Variants in MARCHF1 observed in about 807,000 individuals in gnomAD.
MARCHF1 encodes membrane associated ring-CH-type finger 1.
Under a neutral mutation model 54.2 loss-of-function variants are expected in MARCHF1, and 40 were observed. The ratio of observed to expected loss-of-function variants is 0.74; its 90% CI spans 0.57 to 0.96. The LOEUF is 0.96. Ranked by LOEUF, MARCHF1 falls within the 40% of genes least tolerant of loss-of-function variation. MARCHF1 has a pLI of 0.00. For missense variants in MARCHF1, 586 were observed against 656.5 expected (o/e 0.89, Z 1.17); for synonymous variants, 236 against 236.3 (o/e 1.00, Z 0.01).
intron 1 of MARCHF1, among the ~76,000 whole-genome samples, chr4:164,205,782 A>G (rs577710506): frequency 1.3e-5 from 2 of 152,346 alleles, no homozygotes; most frequent in Non-Finnish European, 2.9e-5. Context: ...CTAGAGTACT[A>G]TATCTCTACA....
chr4:164,239,183 G>A (rs1732654733), intron 1 of MARCHF1, among the ~76,000 whole-genome samples: 1 of 151,814 alleles, frequency 6.6e-6, no homozygotes, highest in Non-Finnish European at 1.5e-5. Context: ...TTCATAATTG[G>A]TGGACTTTGG....
In MARCHF1 at chr4:164,171,963, G is replaced by T. The variant is rs113863622; in HGVS notation, c.-322-60301C>A. On this transcript the variant is annotated intron_variant, in intron 1 of 9. Coordinates refer to ENST00000514618, the MANE Select transcript of MARCHF1 (RefSeq NM_001394959.1). ...TGTTGGGTAAAATGTATAGTTGAGCGCTGTCCTTCTGGCTGGCACCCAGGT... is the reference window on the plus strand; with the variant it reads ...TGTTGGGTAAAATGTATAGTTGAGCTCTGTCCTTCTGGCTGGCACCCAGGT... Among the ~76,000 whole-genome samples the T allele has an allele frequency of 2.0e-4, 31 of 152,160 alleles. No homozygotes were observed. In the South Asian group the frequency reaches 6.2e-3, roughly 31 times the overall value.
chr4:163,625,690 T>C (rs1741846740), intron 5 of MARCHF1, among the ~76,000 whole-genome samples: 1 of 152,234 alleles, frequency 6.6e-6, no homozygotes, highest in Non-Finnish European at 1.5e-5. Flanking sequence ...ATGTAAGTCA[T>C]GAGGCTCTTT....
intron 2 of MARCHF1, among the ~76,000 whole-genome samples, chr4:164,036,524 A>C (rs886432919): frequency 6.6e-6 from 1 of 152,232 alleles, no homozygotes; most frequent in African/African-American, 2.4e-5. Context: ...TGTAATAAAA[A>C]TTCAAGGTCT....
chr4:163,533,567 A>G (rs954226107), intron 9 of MARCHF1, among the ~76,000 whole-genome samples: 3 of 151,774 alleles, frequency 2.0e-5, no homozygotes, highest in Non-Finnish European at 4.4e-5. Context: ...CAAGATGTTA[A>G]TAACAGGAGA....
chr4:164,205,404 A>G (rs1560953326), intron 1 of MARCHF1, among the ~76,000 whole-genome samples: 1 of 152,218 alleles, frequency 6.6e-6, no homozygotes, highest in Non-Finnish European at 1.5e-5. Flanking sequence ...CCAGAGTCAT[A>G]TAGTGGAACC....
chr4:163,847,008 G>GA (rs1049374324), intron 4 of MARCHF1, among the ~76,000 whole-genome samples: 4 of 151,858 alleles, frequency 2.6e-5, no homozygotes, highest in South Asian at 4.2e-4. Flanking sequence ...GATTCTAGAA[G>GA]AAAAAAAATC....
intron 1 of MARCHF1, among the ~76,000 whole-genome samples, chr4:164,270,891 C>T (rs1195738959): frequency 1.3e-5 from 2 of 151,916 alleles, no homozygotes; most frequent in Admixed American, 1.3e-4. Flanking sequence ...TATAGAAGAC[C>T]AAAGGGCCAA....
At chr4:164,063,235 T>C (rs1315799031) in intron 2 of MARCHF1, among the ~76,000 whole-genome samples, 3 of 152,236 alleles carry the variant, frequency 2.0e-5, no homozygotes, top group Non-Finnish European at 4.4e-5. Flanking sequence ...AGAGTCAGAC[T>C]GTCCTTTGAA....
chr4:164,004,602 A>G (rs376111712), intron 2 of MARCHF1, among the ~76,000 whole-genome samples: 18 of 152,272 alleles, frequency 1.2e-4, no homozygotes, highest in East Asian at 7.7e-4. Flanking sequence ...GGCAATTAAA[A>G]AAACTCAATA....
At chr4:163,873,249 C>A (rs2111223316) in intron 3 of MARCHF1, among the ~76,000 whole-genome samples, 1 of 152,258 alleles carries the variant, frequency 6.6e-6, no homozygotes, top group South Asian at 2.1e-4. Context: ...TAGTTTACAC[C>A]TCAGTGTACT....
At chr4:164,144,826 C>A (rs1729623288) in intron 1 of MARCHF1, among the ~76,000 whole-genome samples, 2 of 104,262 alleles carry the variant, frequency 1.9e-5, no homozygotes, top group Admixed American at 1.1e-4. Context: ...AAAATCAGAG[C>A]AGAACTGAAG....
At chr4:163,737,168 T>C (rs781654103) in intron 4 of MARCHF1, among the ~76,000 whole-genome samples, 1,168 of 109,656 alleles carry the variant, frequency 0.011, 128 homozygotes, top group East Asian at 0.02. Flanking sequence ...TTCTTTCTTT[T>C]TTTTTTTTTT....
chr4:163,722,113 T>C (rs902549971), intron 4 of MARCHF1, among the ~76,000 whole-genome samples: 1 of 152,164 alleles, frequency 6.6e-6, no homozygotes, highest in African/African-American at 2.4e-5. Flanking sequence ...TTCTTTTAAT[T>C]GTGATGTTAG....
At chr4:163,908,668 A>C (rs181764688) in intron 3 of MARCHF1, among the ~76,000 whole-genome samples, 25 of 152,224 alleles carry the variant, frequency 1.6e-4, no homozygotes, top group Middle Eastern at 6.8e-3. Context: ...AAGTCCTATA[A>C]AGTCCTACCC....
At chr4:163,704,392 T>C (rs1160112103) in intron 4 of MARCHF1, among the ~76,000 whole-genome samples, 1 of 151,716 alleles carries the variant, frequency 6.6e-6, no homozygotes, top group Non-Finnish European at 1.5e-5. Flanking sequence ...CATAGGGAAA[T>C]TGAATACTGC....
intron 2 of MARCHF1, among the ~76,000 whole-genome samples, chr4:164,011,470 A>G (rs1490033226): frequency 2.0e-5 from 3 of 152,266 alleles, no homozygotes; most frequent in Non-Finnish European, 4.4e-5. Context: ...CTGAACACAC[A>G]TTTCTGCAAA....
chr4:164,105,487 C>A lies in MARCHF1; in HGVS notation c.-248+6101G>T, dbSNP rs988068070. Reference sequence around the variant, plus strand: ...ATATCTACAACTATCTGATCTTTGACAAACCTGAGAAAAACAAGCAATGGG... The same window carrying A: ...ATATCTACAACTATCTGATCTTTGAAAAACCTGAGAAAAACAAGCAATGGG... On this transcript the variant is annotated intron_variant, in intron 2 of 9. Coordinates refer to ENST00000514618, the MANE Select transcript of MARCHF1 (RefSeq NM_001394959.1). 5.5e-3 allele frequency among the ~76,000 whole-genome samples: 768 copies of A among 139,508 alleles called. 10 individuals carry two copies. Among genetic ancestry groups the A allele is most frequent in the African/African-American group, 0.019 (704 of 37,044 alleles). 91.5% of individuals were successfully genotyped at this position (139,508 alleles called of 152,430 possible).
chr4:164,312,917 A>C (rs1734900513), intron 1 of MARCHF1, among the ~76,000 whole-genome samples: 1 of 152,118 alleles, frequency 6.6e-6, no homozygotes, highest in South Asian at 2.1e-4. Flanking sequence ...TTGCATTAGA[A>C]CAGTAAAGCA....
Sources: gnomAD v4.1 joint callset for allele counts (sites outside exome capture counted in the v4.1 genomes callset) on GRCh38, gnomAD v4.1.1 for gene constraint, MANE v1.5 for transcripts, NCBI Gene and HGNC (gene_info 2026-07-23, HGNC 2026-07-21) for gene names.